FGF13: variants seen among roughly 807,000 people sequenced by gnomAD.
The protein encoded by FGF13 is fibroblast growth factor 13.
Under a neutral mutation model 19.5 loss-of-function variants are expected in FGF13, and 2 were observed. The observed-to-expected ratio is 0.10, with a 90% CI of 0.04 to 0.32. The LOEUF is 0.32. Among genes scored for constraint, FGF13 ranks in the 10% least tolerant of loss-of-function variants. The pLI, the probability that FGF13 is intolerant of heterozygous loss-of-function variation, is 1.00. For synonymous variants in FGF13, 72 were observed against 76.9 expected (o/e 0.94, Z 0.33); for missense variants, 113 against 192.7 (o/e 0.59, Z 2.45).
intron 1 of FGF13, among the ~76,000 whole-genome samples, chrX:139,150,294 G>A (rs1252772079): frequency 8.9e-6 from 1 of 112,168 alleles, no homozygotes; most frequent in East Asian, 2.8e-4. Context: ...TTATTAGGAA[G>A]ATTCTAGGTT....
intron 1 of FGF13, among the ~76,000 whole-genome samples, chrX:138,968,659 C>G (rs2091904201): frequency 8.9e-6 from 1 of 111,797 alleles, no homozygotes; most frequent in Admixed American, 9.5e-5. Flanking sequence ...GAAACAACAG[C>G]AAAGCAGAAG....
chrX:139,152,513 G>A (rs2083942942), intron 1 of FGF13, among the ~76,000 whole-genome samples: 2 of 109,710 alleles, frequency 1.8e-5, no homozygotes, highest in Admixed American at 9.7e-5. Context: ...CAAATATGTG[G>A]GGGGAAAGGT....
chrX:139,109,318 A>G lies in FGF13; in HGVS notation c.-113+94098T>C, dbSNP rs181745392. On this transcript the variant is annotated intron_variant, in intron 1 of 2. Transcript: ENST00000421460. ...TTAACAACCAACTCAGCAACAAAAA[A>G]TGCTCTCAGATGTCAACACATGTCA... Among the ~76,000 whole-genome samples, 510 of 111,629 alleles carry G rather than the reference A, an allele frequency of 4.6e-3. 4 individuals carry two copies. The highest frequency in any genetic ancestry group is 0.016 in the African/African-American group (480 of 30,749).
chrX:138,906,406 C>T (rs1322097968), intron 1 of FGF13, among the ~76,000 whole-genome samples: 1 of 112,153 alleles, frequency 8.9e-6, no homozygotes, highest in African/African-American at 3.2e-5. Flanking sequence ...ATTCATTCAA[C>T]ATATATTTCC....
chrX:139,148,387 T>G (rs1482836210), intron 1 of FGF13, among the ~76,000 whole-genome samples: 1 of 111,129 alleles, frequency 9.0e-6, no homozygotes, highest in Non-Finnish European at 1.9e-5. Flanking sequence ...TATAATTTAT[T>G]GCTAAAATTT....
At chrX:138,848,187 G>C (rs1409690229) in intron 3 of FGF13, among the ~76,000 whole-genome samples, 1 of 111,853 alleles carries the variant, frequency 8.9e-6, no homozygotes, top group Non-Finnish European at 1.9e-5. Context: ...AAACAAGTAA[G>C]GGAACTTCAG....
At chrX:139,161,265 C>T (rs1241054246) in intron 1 of FGF13, among the ~76,000 whole-genome samples, 2 of 111,882 alleles carry the variant, frequency 1.8e-5, no homozygotes, top group South Asian at 7.5e-4. Flanking sequence ...TCAATAGATG[C>T]AGAAAAGGGC....
At chrX:139,181,466 C>G (rs1569461852) in intron 1 of FGF13, among the ~76,000 whole-genome samples, 1 of 112,977 alleles carries the variant, frequency 8.9e-6, no homozygotes, top group Admixed American at 9.3e-5. Flanking sequence ...AGATGTTTAG[C>G]TCCCCACTGC....
At chrX:138,825,388 A>G in intron 3 of FGF13, among the ~76,000 whole-genome samples, 1 of 112,331 alleles carries the variant, frequency 8.9e-6, no homozygotes, top group Non-Finnish European at 1.9e-5. Context: ...TAATGTGTAT[A>G]AAGACTTATT....
At chrX:139,089,398 AT>A (rs762041387) in intron 1 of FGF13, among the ~76,000 whole-genome samples, 10 of 112,691 alleles carry the variant, frequency 8.9e-5, no homozygotes, top group Non-Finnish European at 1.7e-4. Flanking sequence ...ATTTTTAAGT[AT>A]CATAACTTTC....
chrX:138,632,609 CCTT>C lies in FGF13; in HGVS notation c.*238_*240del. 3.5e-6 allele frequency: 1 copy of C among 282,857 alleles called. No homozygotes were observed. The highest frequency in any genetic ancestry group is 6.3e-6 in the Non-Finnish European group (1 of 158,058). The allele number at this position is 282,857 out of a possible 1,213,427, so 23.3% of individuals were successfully genotyped here. The stretch of plus-strand genomic sequence containing the variant: ...TGAGATCATGAGAAAATTTGGCAGT[CCTT>C]CTCTCAGATTTAGTTCACTAAAATG... On this transcript the variant is annotated 3_prime_UTR_variant, in exon 5 of 5. Transcript: ENST00000315930.
At chrX:138,731,026 T>A (rs1325285894) in intron 1 of FGF13, among the ~76,000 whole-genome samples, 1 of 111,358 alleles carries the variant, frequency 9.0e-6, no homozygotes, top group African/African-American at 3.3e-5. Flanking sequence ...ATATACAAAT[T>A]CCTATATGTG....
At chrX:138,660,910 C>T (rs911192376) in intron 3 of FGF13, among the ~76,000 whole-genome samples, 2 of 111,661 alleles carry the variant, frequency 1.8e-5, no homozygotes, top group Non-Finnish European at 3.8e-5. Context: ...TACACACCCA[C>T]TATAGTATAC....
At chrX:139,157,847 C>T (rs1183372797) in intron 1 of FGF13, among the ~76,000 whole-genome samples, 2 of 112,268 alleles carry the variant, frequency 1.8e-5, no homozygotes, top group East Asian at 2.8e-4. Flanking sequence ...CTGTGGTCTG[C>T]AGCTCCCAGT....
At chrX:139,129,420 C>A (rs1258441052) in intron 1 of FGF13, among the ~76,000 whole-genome samples, 2 of 110,332 alleles carry the variant, frequency 1.8e-5, no homozygotes, top group Admixed American at 1.9e-4. Context: ...AGCCTAAATC[C>A]CACCCTTGTT....
At chrX:139,077,464 T>C (rs1206339083) in intron 1 of FGF13, among the ~76,000 whole-genome samples, 2 of 111,596 alleles carry the variant, frequency 1.8e-5, no homozygotes, top group Non-Finnish European at 3.8e-5. Context: ...ATTAGGCAAT[T>C]TCATTCTTAG....
At chrX:139,165,428 G>C (rs183905530) in intron 1 of FGF13, among the ~76,000 whole-genome samples, 21 of 111,976 alleles carry the variant, frequency 1.9e-4, no homozygotes, top group African/African-American at 6.2e-4. Flanking sequence ...CAAGAGTGTG[G>C]CCAAGTGACC....
rs201907357 is a variant in FGF13, at chrX:138,625,515, TA to T, written c.*7334del. 14 of 89,052 alleles carry T rather than the reference TA, an allele frequency of 1.6e-4. No homozygotes were observed. The highest frequency in any genetic ancestry group is 6.4e-4 in the East Asian group (2 of 3,125). 7.3% of individuals were successfully genotyped at this position (89,052 alleles called of 1,213,427 possible). ...TATATATACATATATATATATAATA[TA>T]ATATATATATATATCTTAGCCATAT... On this transcript the variant is annotated 3_prime_UTR_variant, in exon 5 of 5. Coordinates refer to ENST00000315930, the MANE Select transcript of FGF13 (RefSeq NM_004114.5).
intron 1 of FGF13, among the ~76,000 whole-genome samples, chrX:138,926,061 T>A (rs751335918): frequency 9.0e-6 from 1 of 111,578 alleles, no homozygotes; most frequent in African/African-American, 3.3e-5. Context: ...AGTCTCCCCA[T>A]GATTTTCTCC....
Sources: gnomAD v4.1 joint callset for allele counts (sites outside exome capture counted in the v4.1 genomes callset) on GRCh38, gnomAD v4.1.1 for gene constraint, MANE v1.5 for transcripts, NCBI Gene and HGNC (gene_info 2026-07-23, HGNC 2026-07-21) for gene names.